The following DIPK1A variants were observed in gnomAD, a reference collection of about 807,000 sequenced individuals.
The protein encoded by DIPK1A is family with sequence similarity 69 member A.
A neutral mutation model predicts 40.8 loss-of-function variants in DIPK1A; 27 were observed. That is an observed-to-expected ratio of 0.66 (90% CI 0.49 to 0.91). The LOEUF (loss-of-function observed/expected upper bound fraction) is 0.91. Among genes scored for constraint, DIPK1A ranks in the 40% least tolerant of loss-of-function variants. The pLI is 0.00. For missense variants in DIPK1A, 412 were observed against 505.7 expected (o/e 0.81, Z 1.78); for synonymous variants, 166 against 171.3 (o/e 0.97, Z 0.24).
At chr1:92,936,180 A>G (rs779496245) in intron 1 of DIPK1A, among the ~76,000 whole-genome samples, 34 of 152,374 alleles carry the variant, frequency 2.2e-4, no homozygotes, top group Middle Eastern at 3.4e-3. Flanking sequence ...TTGGCTCTGC[A>G]TAGAGTCAGC....
intron 1 of DIPK1A, among the ~76,000 whole-genome samples, chr1:92,909,349 A>C (rs1649742842): frequency 6.6e-6 from 1 of 152,234 alleles, no homozygotes; most frequent in East Asian, 1.9e-4. Flanking sequence ...AAGATAAAAT[A>C]AAAGCTGTAC....
At chr1:92,927,358 T>TTTG (rs1377094622) in intron 1 of DIPK1A, among the ~76,000 whole-genome samples, 15 of 96,092 alleles carry the variant, frequency 1.6e-4, no homozygotes, top group Non-Finnish European at 2.6e-4. Flanking sequence ...CCATGCCAAT[T>TTTG]TTGTTGTTTT....
chr1:92,943,223 G>A (rs1388464357), intron 1 of DIPK1A, among the ~76,000 whole-genome samples: 4 of 152,198 alleles, frequency 2.6e-5, no homozygotes. Context: ...GCGGATAAAA[G>A]ATCCAACACA....
intron 4 of DIPK1A, chr1:92,834,996 GA>G (rs1687061904): frequency 6.3e-7 from 1 of 1,580,624 alleles, no homozygotes; most frequent in Non-Finnish European, 8.6e-7. Context: ...ACATGGATAA[GA>G]TAGCTTAAGT....
intron 2 of DIPK1A, among the ~76,000 whole-genome samples, chr1:92,873,563 C>T (rs1023400215): frequency 6.7e-6 from 1 of 149,732 alleles, no homozygotes; most frequent in Non-Finnish European, 1.5e-5. Flanking sequence ...TGCAGTGAGC[C>T]GAGATTGCAC....
At chr1:92,910,994 C>T (rs557351661) in intron 1 of DIPK1A, among the ~76,000 whole-genome samples, 2 of 152,194 alleles carry the variant, frequency 1.3e-5, no homozygotes, top group East Asian at 1.9e-4. Context: ...CCCTGGCAAC[C>T]GTTAATCAGT....
chr1:92,905,857 C>T (rs1252753458), intron 1 of DIPK1A, among the ~76,000 whole-genome samples: 1 of 152,114 alleles, frequency 6.6e-6, no homozygotes. Context: ...CCAGTTTTCT[C>T]AGGACCATTT....
At position 92,844,043 on chromosome 1, in the gene DIPK1A, A is replaced by C. The variant is rs534597730; in HGVS notation, c.627T>G (p.Leu209=). 1 of 1,552,092 alleles carries C rather than the reference A, an allele frequency of 6.4e-7. No individual in the cohort carries two copies. The highest frequency in any genetic ancestry group is 1.4e-5 in the African/African-American group (1 of 73,166). Residue 209 remains leucine (L), a synonymous_variant, in exon 5 of 5, where the codon CTT becomes CTG. Transcript: ENST00000370310. The part of the protein sequence containing the change: ...QLNEFLLMVI[L]QDKEHTPKLM... ...ATTTGGGGGTATGTTCTTTATCTTG[A>C]AGTATCACCATGAGAAGAAATTCAT...
intron 1 of DIPK1A, among the ~76,000 whole-genome samples, chr1:92,947,724 C>T (rs1651429009): frequency 6.6e-6 from 1 of 152,134 alleles, no homozygotes; most frequent in Non-Finnish European, 1.5e-5. Context: ...CCACAGAAAA[C>T]AATGAAATCT....
chr1:92,840,374 T>C (rs567720871), downstream of DIPK1A: 12 of 589,506 alleles, frequency 2.0e-5, no homozygotes, highest in East Asian at 3.2e-4. Flanking sequence ...AAGGTGAAAA[T>C]TGGGAATTTG....
intron 1 of DIPK1A, among the ~76,000 whole-genome samples, chr1:92,936,257 T>G (rs992736030): frequency 6.6e-6 from 1 of 152,206 alleles, no homozygotes; most frequent in South Asian, 2.1e-4. Flanking sequence ...CACATCTTTC[T>G]GCATTCATTT....
intron 1 of DIPK1A, among the ~76,000 whole-genome samples, chr1:92,935,580 G>T (rs985709647): frequency 1.3e-5 from 2 of 152,146 alleles, no homozygotes; most frequent in African/African-American, 2.4e-5. Context: ...CTGACTAGCT[G>T]CGTGACCTGA....
chr1:92,926,920 G>A (rs900852736), intron 1 of DIPK1A, among the ~76,000 whole-genome samples: 4 of 151,990 alleles, frequency 2.6e-5, no homozygotes, highest in Admixed American at 2.6e-4. Context: ...CTTAAAGTTG[G>A]GCAATGCTTT....
At chr1:92,879,297 C>T (rs1314319752) in intron 1 of DIPK1A, among the ~76,000 whole-genome samples, 1 of 152,076 alleles carries the variant, frequency 6.6e-6, no homozygotes, top group East Asian at 1.9e-4. Context: ...TTAAGAATGA[C>T]AGTATACTTG....
intron 1 of DIPK1A, among the ~76,000 whole-genome samples, chr1:92,880,508 CTTGT>C (rs1018315259): frequency 3.9e-5 from 6 of 152,118 alleles, no homozygotes; most frequent in African/African-American, 1.2e-4. Flanking sequence ...AATTTTTGAT[CTTGT>C]TTGTAACTTT....
At chr1:92,854,548 T>A (rs899906973) in intron 2 of DIPK1A, among the ~76,000 whole-genome samples, 1 of 152,242 alleles carries the variant, frequency 6.6e-6, no homozygotes, top group Non-Finnish European at 1.5e-5. Context: ...GCCCTGCCCA[T>A]GTGCAGAGTT....
chr1:92,880,786 C>A (rs1187553706), intron 1 of DIPK1A, among the ~76,000 whole-genome samples: 1 of 152,142 alleles, frequency 6.6e-6, no homozygotes, highest in Admixed American at 6.6e-5. Context: ...AGGAGAATCG[C>A]TTGAACTCGG....
chr1:92,834,810 T>C lies in DIPK1A; in HGVS notation c.475-1776A>G, dbSNP rs1350991292. 6.2e-7 allele frequency: 1 copy of C among 1,613,302 alleles called. No individual in the cohort carries two copies. The highest frequency in any genetic ancestry group is 1.7e-5 in the Admixed American group (1 of 60,014). ...TATGCCCGTATAGAGGGGGATATGA[T>C]AGTCTGCGCAGCGTATGCACACGAA... is the stretch of plus-strand genomic sequence containing the variant. On this transcript the variant is annotated intron_variant, in intron 4 of 4. Coordinates refer to the DIPK1A transcript ENST00000615519.
intron 4 of DIPK1A, 47 bp from the exon 5 acceptor site, chr1:92,844,242 C>T: frequency 8.6e-7 from 1 of 1,169,310 alleles, no homozygotes; most frequent in Non-Finnish European, 1.2e-6. Flanking sequence ...AAAATACCTC[C>T]CATGCAACAT....
Sources: gnomAD v4.1 joint callset for allele counts (sites outside exome capture counted in the v4.1 genomes callset) on GRCh38, gnomAD v4.1.1 for gene constraint, MANE v1.5 for transcripts, NCBI Gene and HGNC (gene_info 2026-07-23, HGNC 2026-07-21) for gene names.